The following TRDN variants were observed in gnomAD, a reference collection of about 807,000 sequenced individuals.
The protein encoded by TRDN is triadin in skeletal muscle.
In TRDN, 161 loss-of-function variants were observed where a neutral mutation model predicts 149.7. That is an observed-to-expected ratio of 1.08 (90% CI 0.95 to 1.23). The LOEUF is 1.23. Ranked by LOEUF, TRDN falls within the 50% of genes most tolerant of loss-of-function variation. The pLI, the probability that TRDN is intolerant of heterozygous loss-of-function variation, is 0.00. For missense variants in TRDN, 896 were observed against 823.5 expected, an observed-to-expected ratio of 1.09 and a Z score of -1.08; for synonymous variants, 294 against 250.5, an observed-to-expected ratio of 1.17 and a Z score of -1.64.
At chr6:123,575,332 C>T (rs1316379942) in intron 1 of TRDN, among the ~76,000 whole-genome samples, 1 of 151,820 alleles carries the variant, frequency 6.6e-6, no homozygotes. Context: ...CACACAGAGC[C>T]AAGAGGAATA....
chr6:123,591,061 A>T (rs181209319), intron 1 of TRDN, among the ~76,000 whole-genome samples: 158 of 152,282 alleles, frequency 1.0e-3, no homozygotes, highest in African/African-American at 3.4e-3. Flanking sequence ...CAGTAATATA[A>T]ATTGGCACTT....
At chr6:123,260,194 C>T (rs548942606) in intron 34 of TRDN, among the ~76,000 whole-genome samples, 5 of 152,128 alleles carry the variant, frequency 3.3e-5, no homozygotes, top group African/African-American at 9.6e-5. Context: ...AAAAAAACTA[C>T]ATGTTACATT....
At chr6:123,595,588 G>A (rs190233852) in intron 1 of TRDN, among the ~76,000 whole-genome samples, 22 of 152,236 alleles carry the variant, frequency 1.4e-4, no homozygotes, top group African/African-American at 3.4e-4. Flanking sequence ...GCAACCCTGC[G>A]TCCAGCAAGT....
chr6:123,632,029 A>C (rs1046105631), intron 1 of TRDN, among the ~76,000 whole-genome samples: 1 of 152,092 alleles, frequency 6.6e-6, no homozygotes, highest in Admixed American at 6.6e-5. Flanking sequence ...TTAAATTTTC[A>C]CTTGTTTCAT....
In TRDN at chr6:123,216,447, AATT is replaced by A. The variant is rs942385459; in HGVS notation, c.*2151_*2153del. 2.6e-5 allele frequency: 4 copies of A among 151,976 alleles called. No individual in the cohort carries two copies. Among genetic ancestry groups the A allele is most frequent in the African/African-American group, 9.7e-5 (4 of 41,424 alleles). The allele number at this position is 151,976 out of a possible 1,614,324, so 9.4% of individuals were successfully genotyped here. A position where few individuals can be genotyped will look rare whatever the true frequency, so the allele number is the denominator to read the frequency against. ...TTGTAACTTTAATCAGATAAAACGT[AATT>A]ATTATTAACATTTTTACATTATAGC... On this transcript the variant is annotated 3_prime_UTR_variant, in exon 41 of 41. Coordinates refer to ENST00000334268, the MANE Select transcript of TRDN (RefSeq NM_006073.4).
intron 4 of TRDN, among the ~76,000 whole-genome samples, chr6:123,540,509 A>G (rs553733977): frequency 2.0e-5 from 3 of 151,852 alleles, no homozygotes; most frequent in African/African-American, 7.2e-5. Flanking sequence ...ACTTGAACAG[A>G]AAAAGTGTTT....
At chr6:123,612,732 G>A (rs1186271203) in intron 1 of TRDN, among the ~76,000 whole-genome samples, 1 of 152,076 alleles carries the variant, frequency 6.6e-6, no homozygotes, top group Non-Finnish European at 1.5e-5. Context: ...AGTATGGTTA[G>A]GCACAAGTAG....
intron 11 of TRDN, among the ~76,000 whole-genome samples, chr6:123,438,325 C>CTTTTT (rs34201164): frequency 6.8e-6 from 1 of 147,316 alleles, no homozygotes; most frequent in African/African-American, 2.5e-5. Context: ...GGAAACAGAA[C>CTTTTT]TTTTTTTTTT....
At chr6:123,443,629 A>C (rs900404198) in intron 10 of TRDN, among the ~76,000 whole-genome samples, 1 of 152,102 alleles carries the variant, frequency 6.6e-6, no homozygotes, top group Admixed American at 6.5e-5. Context: ...CGTCACGACT[A>C]AAAATACAAA....
chr6:123,255,221 G>T, intron 36 of TRDN, 96 bp from the exon 37 acceptor site: 1 of 512,902 alleles, frequency 1.9e-6, no homozygotes, highest in Non-Finnish European at 3.2e-6. Context: ...TAATTTAAGT[G>T]TTATAAATAT....
At chr6:123,229,998 A>T (rs1219719303) in intron 38 of TRDN, among the ~76,000 whole-genome samples, 2 of 151,940 alleles carry the variant, frequency 1.3e-5, no homozygotes, top group African/African-American at 2.4e-5. Context: ...ATCTTAAAAT[A>T]TTAAAGACCC....
At chr6:123,242,949 C>T (rs1776042271) in intron 38 of TRDN, among the ~76,000 whole-genome samples, 1 of 152,150 alleles carries the variant, frequency 6.6e-6, no homozygotes, top group South Asian at 2.1e-4. Flanking sequence ...TATAGCATGA[C>T]ATCATTCTGA....
intron 23 of TRDN, among the ~76,000 whole-genome samples, chr6:123,331,586 A>T (rs1779660861): frequency 6.6e-6 from 1 of 152,002 alleles, no homozygotes; most frequent in East Asian, 1.9e-4. Context: ...CGCTCTTTGG[A>T]TATTTATAAA....
chr6:123,340,680 A>AT (rs1187702416), intron 21 of TRDN, among the ~76,000 whole-genome samples: 4 of 151,884 alleles, frequency 2.6e-5, no homozygotes, highest in Non-Finnish European at 5.9e-5. Context: ...GATCTGAGAT[A>AT]TTTTTTCACG....
At chr6:123,615,640 G>C (rs766368626) in intron 1 of TRDN, among the ~76,000 whole-genome samples, 4 of 152,050 alleles carry the variant, frequency 2.6e-5, no homozygotes, top group Non-Finnish European at 5.9e-5. Flanking sequence ...AAGTGAGATA[G>C]GCTAGACACA....
intron 9 of TRDN, chr6:123,470,663 G>A (rs1404412737): frequency 6.6e-6 from 1 of 152,194 alleles, no homozygotes; most frequent in Non-Finnish European, 1.5e-5. Flanking sequence ...AACATTTTAG[G>A]CTGCTCATGT....
intron 8 of TRDN, among the ~76,000 whole-genome samples, chr6:123,499,703 CAA>C (rs775014014): frequency 0.024 from 541 of 22,796 alleles, 34 homozygotes; most frequent in African/African-American, 0.071. Flanking sequence ...GATTCTGGCT[CAA>C]AAAAAAAAAA....
At chr6:123,416,010 G>A (rs1401799084) in intron 12 of TRDN, among the ~76,000 whole-genome samples, 2 of 152,108 alleles carry the variant, frequency 1.3e-5, no homozygotes, top group African/African-American at 4.8e-5. Context: ...AATACTCCAG[G>A]ATGGAGTATG....
intron 2 of TRDN, among the ~76,000 whole-genome samples, chr6:123,566,258 G>A (rs531556539): frequency 1.3e-5 from 2 of 152,262 alleles, no homozygotes; most frequent in Admixed American, 1.3e-4. Context: ...AGAATAGAAA[G>A]CAAGATGTTA....
Sources: gnomAD v4.1 joint callset for allele counts (sites outside exome capture counted in the v4.1 genomes callset) on GRCh38, gnomAD v4.1.1 for gene constraint, MANE v1.5 for transcripts, NCBI Gene and HGNC (gene_info 2026-07-23, HGNC 2026-07-21) for gene names.